MYH14: variants seen among roughly 807,000 people sequenced by gnomAD.
MYH14 encodes the protein myosin heavy chain 14.
In MYH14, 123 loss-of-function variants were observed where a neutral mutation model predicts 255.5. The ratio of observed to expected loss-of-function variants is 0.48; its 90% CI spans 0.42 to 0.56. The LOEUF is 0.56. Among genes scored for constraint, MYH14 ranks in the 20% least tolerant of loss-of-function variants. The pLI is 0.00. For missense variants in MYH14, 2,423 were observed against 2,802.3 expected, an observed-to-expected ratio of 0.86 and a Z score of 3.06; for synonymous variants, 1,095 against 1,161.2, an observed-to-expected ratio of 0.94 and a Z score of 1.16.
At position 50,255,895 on chromosome 19, in the gene MYH14, G is replaced by A. The variant is rs78555052; in HGVS notation, c.2044+577G>A. Among the ~76,000 whole-genome samples, 1,411 of 150,550 alleles carry A rather than the reference G, an allele frequency of 9.4e-3. 25 individuals are homozygous for A. Among genetic ancestry groups the A allele is most frequent in the East Asian group, 0.041 (210 of 5,140 alleles). ...CCTAAGCACAGATTATCTAGTTGACGGTTGATGGCGCTTGAATGGGATGAG... is the reference window on the plus strand; with the variant it reads ...CCTAAGCACAGATTATCTAGTTGACAGTTGATGGCGCTTGAATGGGATGAG... On this transcript the variant is annotated intron_variant, in intron 17 of 42. Transcript: ENST00000642316.
intron 12 of MYH14, 63 bp from the exon 13 acceptor site, chr19:50,248,924 C>T: frequency 6.3e-7 from 1 of 1,588,918 alleles, no homozygotes; most frequent in Non-Finnish European, 8.6e-7. Flanking sequence ...CCCGGTTCAC[C>T]CCCGACGTCT....
chr19:50,297,773 A>G (rs1347218562), intron 39 of MYH14, among the ~76,000 whole-genome samples: 1 of 152,030 alleles, frequency 6.6e-6, no homozygotes, highest in Non-Finnish European at 1.5e-5. Context: ...TGCTGGGATT[A>G]CAGGTGTGAG....
At chr19:50,263,208 A>G (rs912304057) in intron 21 of MYH14, 104 bp from the exon 22 acceptor site, 1 of 811,130 alleles carries the variant, frequency 1.2e-6, no homozygotes, top group Admixed American at 3.1e-5. Flanking sequence ...CAGAAAAACA[A>G]ACAAACAAAC....
At chr19:50,294,250 T>C (rs1360096172) in intron 39 of MYH14, among the ~76,000 whole-genome samples, 2 of 152,006 alleles carry the variant, frequency 1.3e-5, no homozygotes, top group Non-Finnish European at 2.9e-5. Flanking sequence ...ACACGGGCAC[T>C]GTGGGAACCT....
rs869049808 is a variant in MYH14, at chr19:50,297,491, C to CTTTTTTTTTTTTTT, written c.5469+3814_5469+3827dup. On this transcript the variant is annotated intron_variant, in intron 39 of 42. Transcript: ENST00000642316. ...TCTTTGTGGCTCTGTCTCATCTCCT[C>CTTTTTTTTTTTTTT]TTTTTTTTTTTTTTTTTTTTTTTGA... is the stretch of plus-strand genomic sequence containing the variant. Among the ~76,000 whole-genome samples, 7 of 74,344 alleles carry CTTTTTTTTTTTTTT rather than the reference C, an allele frequency of 9.4e-5. 1 individual carries two copies. Among genetic ancestry groups the CTTTTTTTTTTTTTT allele is most frequent in the Non-Finnish European group, 1.4e-4 (6 of 42,156 alleles). The allele number at this position is 74,344 out of a possible 152,430, so 48.8% of individuals were successfully genotyped here. A position where few individuals can be genotyped will look rare whatever the true frequency, so the allele number is the denominator to read the frequency against.
chr19:50,289,654 G>T lies in MYH14; in HGVS notation c.4965+6G>T. The stretch of plus-strand genomic sequence containing the variant: ...GGAGGCAGCTGGCCAAGCAGGTATT[G>T]TCACACAGAAGGCCACAGGGTGCCA... On this transcript the variant is annotated splice_donor_region_variant and intron_variant, in intron 35 of 42. Transcript: ENST00000642316. 6.2e-7 allele frequency: 1 copy of T among 1,602,302 alleles called. No homozygotes were observed.
rs773898998 is a variant in MYH14 at position 50,257,271 on chromosome 19, T to C, written c.2045-28T>C. 3.2e-6 allele frequency: 5 copies of C among 1,564,810 alleles called. No homozygotes were observed. In the South Asian group the frequency reaches 4.6e-5, roughly 14 times the overall value. On this transcript the variant is annotated intron_variant, in intron 17 of 42. Transcript: ENST00000642316. ...CCTAAAACTGACCCTGACCTCCTTC[T>C]CTCTCTCTCTGCATCTCCATCTGAC...
intron 11 of MYH14, among the ~76,000 whole-genome samples, chr19:50,245,539 G>GTCTCTC (rs2034079421): frequency 6.6e-6 from 1 of 152,106 alleles, no homozygotes; most frequent in Non-Finnish European, 1.5e-5. Context: ...TTTGGGATGT[G>GTCTCTC]TCTCTCTGGG....
In MYH14 at chr19:50,278,521, T is replaced by A. The variant is rs1038280593; in HGVS notation, c.4032+232T>A. On this transcript the variant is annotated intron_variant, in intron 30 of 42. Transcript: ENST00000642316. ...TTCGAGACCAGCCTGGGCAACATAG[T>A]GAGACCCCATCTTCAGAAAAAAAAA... Among the ~76,000 whole-genome samples, 3 of 150,716 alleles carry A rather than the reference T, an allele frequency of 2.0e-5. No homozygotes were observed. The South Asian group carries it at 6.4e-4, about 32-fold the overall frequency.
rs533223936 is a variant in MYH14 at position 50,220,032 on chromosome 19, C to T, written c.562+2261C>T. Among the ~76,000 whole-genome samples, 20 of 152,122 alleles carry T rather than the reference C, an allele frequency of 1.3e-4. 1 individual carries two copies. Among genetic ancestry groups the T allele is most frequent in the Non-Finnish European group, 2.5e-4 (17 of 68,018 alleles). Reference sequence around the variant, plus strand: ...CCTGGGCAACATAACAAGACCCTGTCTCTACAAAAAAATTTAACAAGTTTT... The same window carrying T: ...CCTGGGCAACATAACAAGACCCTGTTTCTACAAAAAAATTTAACAAGTTTT... On this transcript the variant is annotated intron_variant, in intron 3 of 42. Coordinates refer to ENST00000642316, the MANE Select transcript of MYH14 (RefSeq NM_001145809.2).
At chr19:50,215,238 G>A (rs910552950) in intron 2 of MYH14, among the ~76,000 whole-genome samples, 2 of 152,190 alleles carry the variant, frequency 1.3e-5, no homozygotes, top group African/African-American at 2.4e-5. Flanking sequence ...GGCGTGGGGA[G>A]TGGGTTCCTC....
intron 18 of MYH14, among the ~76,000 whole-genome samples, chr19:50,258,080 A>G (rs972604378): frequency 1.3e-5 from 2 of 152,078 alleles, no homozygotes; most frequent in East Asian, 3.9e-4. Context: ...AAATCAGAGA[A>G]TGGGCCCTAC....
At chr19:50,306,972 G>A in intron 40 of MYH14, 77 bp from the exon 41 acceptor site, 1 of 1,030,294 alleles carries the variant, frequency 9.7e-7, no homozygotes, top group African/African-American at 1.6e-5. Flanking sequence ...CAAGGTGACA[G>A]CCACTGCATG....
intron 33 of MYH14, 66 bp from the exon 34 acceptor site, chr19:50,286,416 C>G: frequency 6.9e-7 from 1 of 1,446,974 alleles, no homozygotes; most frequent in Non-Finnish European, 9.4e-7. Context: ...CTCCCTCTTC[C>G]CGTTCCCTTG....
At chr19:50,204,041 C>G (rs2031598349) in intron 1 of MYH14, among the ~76,000 whole-genome samples, 1 of 152,168 alleles carries the variant, frequency 6.6e-6, no homozygotes, top group Non-Finnish European at 1.5e-5. Flanking sequence ...TCTGTTCTCA[C>G]GTGTCAGAAT....
rs137999306 is a variant in MYH14 at position 50,277,023 on chromosome 19, C to G, written c.3825+122C>G. On this transcript the variant is annotated intron_variant, in intron 29 of 42. Transcript: ENST00000642316. ...TCATCTCCCTGGGCCCCTTTCCTCA[C>G]GCATTCATGTGCATCTTTCATTCAG... The G allele has an allele frequency of 2.1e-4, 143 of 683,970 alleles. 1 individual carries two copies. The South Asian group carries it at 2.4e-3, about 11-fold the overall frequency. The allele number at this position is 683,970 out of a possible 1,614,324, so 42.4% of individuals were successfully genotyped here.
chr19:50,243,436 CAA>C (rs887725331), intron 10 of MYH14, among the ~76,000 whole-genome samples: 1 of 137,904 alleles, frequency 7.3e-6, no homozygotes, highest in Admixed American at 7.3e-5. Context: ...GACTCCGTCT[CAA>C]AAAAAAAAAC....
In MYH14 at chr19:50,278,529, C is replaced by T. The variant is rs788334; in HGVS notation, c.4032+240C>T. On this transcript the variant is annotated intron_variant, in intron 30 of 42. Coordinates refer to ENST00000642316, the MANE Select transcript of MYH14 (RefSeq NM_001145809.2). ...CAGCCTGGGCAACATAGTGAGACCC[C>T]ATCTTCAGAAAAAAAAAAATTTTAA... Among the ~76,000 whole-genome samples, 28,095 of 151,384 alleles carry T rather than the reference C, an allele frequency of 0.19. 2,722 individuals are homozygous for T. The highest frequency in any genetic ancestry group is 0.31 in the South Asian group (1,498 of 4,772).
At chr19:50,213,286 G>C (rs2032296083) in intron 2 of MYH14, among the ~76,000 whole-genome samples, 1 of 152,152 alleles carries the variant, frequency 6.6e-6, no homozygotes, top group Admixed American at 6.5e-5. Flanking sequence ...AGCGCTCCCA[G>C]CAACCTTGTA....
Sources: gnomAD v4.1 joint callset for allele counts (sites outside exome capture counted in the v4.1 genomes callset) on GRCh38, gnomAD v4.1.1 for gene constraint, MANE v1.5 for transcripts, NCBI Gene and HGNC (gene_info 2026-07-23, HGNC 2026-07-21) for gene names.